PPA1: variants seen among roughly 807,000 people sequenced by gnomAD.
PPA1 encodes the protein inorganic pyrophosphatase 1.
In PPA1, 23 loss-of-function variants were observed where a neutral mutation model predicts 41.8. The ratio of observed to expected loss-of-function variants is 0.55; its 90% confidence interval spans 0.40 to 0.78. The LOEUF is 0.78. PPA1 is among the 30% of genes least tolerant of loss of function. The probability of loss-of-function intolerance (pLI) is 0.00; values close to 1 mark genes in which losing one functional copy is unlikely to be tolerated. For missense variants in PPA1, 320 were observed against 361.6 expected (o/e 0.89, Z 0.93); for synonymous variants, 101 against 116.8 (o/e 0.86, Z 0.87).
intron 2 of PPA1, among the ~76,000 whole-genome samples, chr10:70,219,082 TTA>T (rs1213376999): frequency 2.0e-5 from 3 of 152,186 alleles, no homozygotes; most frequent in African/African-American, 7.2e-5. Context: ...TCTAAATTTT[TTA>T]TAGAGGCAAG....
intron 2 of PPA1, among the ~76,000 whole-genome samples, chr10:70,220,859 TC>T (rs1840146239): frequency 1.0e-4 from 5 of 48,400 alleles, no homozygotes; most frequent in South Asian, 6.1e-4. Context: ...TATATATAAT[TC>T]TTATATATAT....
intron 5 of PPA1, 126 bp from the exon 6 acceptor site, chr10:70,213,715 T>G: frequency 1.7e-6 from 2 of 1,187,844 alleles, no homozygotes; most frequent in South Asian, 1.7e-5. Flanking sequence ...ATTGTTCCTT[T>G]AAGCAAATTT....
At chr10:70,228,321 C>A (rs1163587659) in intron 2 of PPA1, among the ~76,000 whole-genome samples, 2 of 152,112 alleles carry the variant, frequency 1.3e-5, no homozygotes, top group East Asian at 1.9e-4. Flanking sequence ...AGAGTAGGTA[C>A]CAAAACATCT....
intron 6 of PPA1, chr10:70,209,906 A>G (rs1839997709): frequency 3.9e-6 from 2 of 509,362 alleles, no homozygotes; most frequent in African/African-American, 3.9e-5. Context: ...ACATTGAAAG[A>G]AAATCATCTA....
At chr10:70,204,223 C>T (rs1467389579) in intron 10 of PPA1, 1 of 152,154 alleles carries the variant, frequency 6.6e-6, no homozygotes, top group Non-Finnish European at 1.5e-5. Context: ...GAAACTCTAT[C>T]TCTACAAATT....
intron 2 of PPA1, among the ~76,000 whole-genome samples, chr10:70,226,371 C>T (rs1840230944): frequency 6.6e-6 from 1 of 151,866 alleles, no homozygotes; most frequent in Non-Finnish European, 1.5e-5. Context: ...CTCAGGAGTT[C>T]GAGACCAGCG....
chr10:70,206,201 C>T (rs1026330405), intron 9 of PPA1, 63 bp downstream of exon 9: 3 of 1,267,892 alleles, frequency 2.4e-6, no homozygotes, highest in African/African-American at 1.5e-5. Context: ...CTTCCTCTCC[C>T]CATTTAGCAT....
intron 2 of PPA1, among the ~76,000 whole-genome samples, chr10:70,228,657 C>T (rs1007256700): frequency 1.3e-5 from 2 of 152,146 alleles, no homozygotes; most frequent in African/African-American, 4.8e-5. Flanking sequence ...CTCTGACACT[C>T]CCACAGGAAA....
chr10:70,221,835 T>C (rs1372805525), intron 2 of PPA1, among the ~76,000 whole-genome samples: 1 of 152,186 alleles, frequency 6.6e-6, no homozygotes, highest in Non-Finnish European at 1.5e-5. Flanking sequence ...CTAAAATAAC[T>C]AATTCAAAGT....
chr10:70,204,673 A>C lies in PPA1; in HGVS notation c.838+200T>G, dbSNP rs73275637. ...AGATTTCAAATGTTTTTACCACACAACAAATAATGATTAAGTATGTGAGGT... is the reference window on the plus strand; with the variant it reads ...AGATTTCAAATGTTTTTACCACACACCAAATAATGATTAAGTATGTGAGGT... On this transcript the variant is annotated intron_variant, in intron 10 of 10. Transcript: ENST00000373232. 19,038 of 489,750 alleles carry C rather than the reference A, an allele frequency of 0.039. 1,155 individuals are homozygous for C. The highest frequency in any genetic ancestry group is 0.2 in the African/African-American group (10,181 of 49,790). 30.3% of individuals were successfully genotyped at this position (489,750 alleles called of 1,614,324 possible). A position where few individuals can be genotyped will look rare whatever the true frequency, so the allele number is the denominator to read the frequency against.
At chr10:70,212,757 T>C (rs900762402) in intron 6 of PPA1, among the ~76,000 whole-genome samples, 1 of 150,988 alleles carries the variant, frequency 6.6e-6, no homozygotes, top group Non-Finnish European at 1.5e-5. Context: ...TGTGAATGAA[T>C]GAAATGCCAC....
At chr10:70,221,101 G>A in intron 2 of PPA1, among the ~76,000 whole-genome samples, 1 of 66,000 alleles carries the variant, frequency 1.5e-5, no homozygotes, top group African/African-American at 9.0e-5. Context: ...TTTTTGTAGA[G>A]ATGGAGCTTT....
At chr10:70,232,453 GC>G (rs1443632212) in intron 1 of PPA1, among the ~76,000 whole-genome samples, 4 of 152,166 alleles carry the variant, frequency 2.6e-5, no homozygotes, top group Non-Finnish European at 5.9e-5. Flanking sequence ...AAAACGTGGT[GC>G]CCTAAGGAGC....
chr10:70,214,626 T>C (rs1840058839), intron 4 of PPA1, 40 bp from the exon 5 acceptor site: 3 of 1,476,662 alleles, frequency 2.0e-6, no homozygotes, highest in African/African-American at 1.4e-5. Context: ...CTATACATAC[T>C]GACAAAATGG....
At chr10:70,203,590 T>G (rs543534314) in intron 10 of PPA1, 2 of 169,742 alleles carry the variant, frequency 1.2e-5, no homozygotes, top group African/African-American at 2.4e-5. Flanking sequence ...TTTTTTTTTG[T>G]AGAGACATGG....
intron 9 of PPA1, chr10:70,205,951 T>C (rs1419771691): frequency 2.0e-5 from 5 of 246,166 alleles, no homozygotes; most frequent in African/African-American, 8.7e-5. Context: ...ATTGATTCTT[T>C]TGCGGAAATG....
chr10:70,230,462 C>T, intron 1 of PPA1, 63 bp from the exon 2 acceptor site: 1 of 1,482,558 alleles, frequency 6.7e-7, no homozygotes, highest in Non-Finnish European at 9.2e-7. Flanking sequence ...GCCCACAGTA[C>T]ACATTTTTTT....
chr10:70,213,371 AG>A, intron 6 of PPA1, 91 bp downstream of exon 6: 1 of 1,444,972 alleles, frequency 6.9e-7, no homozygotes, highest in Non-Finnish European at 9.4e-7. Context: ...AACAGTTTGA[AG>A]GTAAGGGCTT....
chr10:70,231,298 G>A lies in PPA1; in HGVS notation c.65-899C>T, dbSNP rs933461937. 2.6e-5 allele frequency among the ~76,000 whole-genome samples: 4 copies of A among 152,202 alleles called. 1 individual carries two copies. Among genetic ancestry groups the A allele is most frequent in the Non-Finnish European group, 4.4e-5 (3 of 68,044 alleles). ...AATCAAAGTGGAGGCCAGGCACGGT[G>A]GCTCACGCCTGTAATCCCAGCACTT... On this transcript the variant is annotated intron_variant, in intron 1 of 10. Coordinates refer to ENST00000373232, the MANE Select transcript of PPA1 (RefSeq NM_021129.4).
Sources: allele counts gnomAD v4.1 joint callset (sites outside exome capture counted in the v4.1 genomes callset), GRCh38; gene constraint gnomAD v4.1.1; transcripts MANE v1.5; gene names NCBI Gene and HGNC (gene_info 2026-07-23, HGNC 2026-07-21).